The following STX3 variants were observed in gnomAD, a reference collection of about 807,000 sequenced individuals.
STX3 encodes syntaxin 3, also known as syntaxin-3.
In STX3, 19 loss-of-function variants were observed where a neutral mutation model predicts 40.2. The ratio of observed to expected loss-of-function variants is 0.47; its 90% CI spans 0.33 to 0.69. The LOEUF is 0.69. Among genes scored for constraint, STX3 ranks in the 30% least tolerant of loss-of-function variants. The pLI, the probability that STX3 is intolerant of heterozygous loss-of-function variation, is 0.02. For missense variants in STX3, 364 were observed against 366.7 expected (o/e 0.99, Z 0.06); for synonymous variants, 122 against 132.2 (o/e 0.92, Z 0.53).
chr11:59,800,003 C>G (rs934813609), intron 10 of STX3: 1 of 985,326 alleles, frequency 1.0e-6, no homozygotes, highest in Admixed American at 6.1e-5. Flanking sequence ...TGTGGTGCCC[C>G]TTTCTATTCC....
intron 6 of STX3, 116 bp from the exon 7 acceptor site, chr11:59,792,983 G>A: frequency 1.1e-6 from 1 of 932,756 alleles, no homozygotes; most frequent in Non-Finnish European, 1.7e-6. Flanking sequence ...AATTGGGGGA[G>A]TGTTGTAAAG....
At chr11:59,769,263 TGGA>T (rs113337250) in intron 1 of STX3, among the ~76,000 whole-genome samples, 26 of 151,562 alleles carry the variant, frequency 1.7e-4, no homozygotes, top group Admixed American at 5.3e-4. Context: ...GAACTTCCTG[TGGA>T]GGAGGAGGAG....
At chr11:59,789,203 T>G in intron 4 of STX3, 1 of 323,664 alleles carries the variant, frequency 3.1e-6, no homozygotes. Flanking sequence ...TTTCAGCTGC[T>G]GAGTAGTTTT....
Position 59,790,593 on chromosome 11 carries a change from CT to C in STX3, c.357+11del. The C allele has an allele frequency of 6.2e-7, 1 of 1,607,782 alleles. No individual in the cohort carries two copies. The highest frequency in any genetic ancestry group is 8.5e-7 in the Non-Finnish European group (1 of 1,174,296). ...TCGGATTCGGAAATCCCAGGTAAGA[CT>C]TTTCCTGGTCTCATGATTAGCTAGT... is the stretch of plus-strand genomic sequence containing the variant. On this transcript the variant is annotated splice_region_variant and intron_variant, in intron 5 of 10. Coordinates refer to ENST00000337979, the MANE Select transcript of STX3 (RefSeq NM_004177.5).
chr11:59,791,895 C>T (rs575860021), intron 5 of STX3, among the ~76,000 whole-genome samples: 3 of 152,268 alleles, frequency 2.0e-5, no homozygotes, highest in South Asian at 2.1e-4. Flanking sequence ...AGCAGTAAAC[C>T]GGTTTCAGTA....
At position 59,801,974 on chromosome 11, in the gene STX3, G is replaced by A. The variant is rs1279979721; in HGVS notation, c.*1150G>A. On this transcript the variant is annotated 3_prime_UTR_variant, in exon 11 of 11. Coordinates refer to ENST00000337979, the MANE Select transcript of STX3 (RefSeq NM_004177.5). ...CTGGGAGAATAAAATGAGAACTCTG[G>A]AGTGAGCTAAATTGATCCCAATTAA... is the stretch of plus-strand genomic sequence containing the variant. The A allele has an allele frequency of 4.1e-6, 4 of 985,322 alleles. No homozygotes were observed. The highest frequency in any genetic ancestry group is 3.6e-6 in the Non-Finnish European group (3 of 829,946). The allele number at this position is 985,322 out of a possible 1,614,324, so 61.0% of individuals were successfully genotyped here.
intron 9 of STX3, chr11:59,795,834 C>T: frequency 1.2e-6 from 1 of 801,900 alleles, no homozygotes; most frequent in Non-Finnish European, 2.0e-6. Flanking sequence ...CTCATCAACC[C>T]CTCCCTCAGC....
rs1017596428 is a variant in STX3 at position 59,799,717 on chromosome 11, T to G, written c.*31-1138T>G. 6.0e-5 allele frequency: 59 copies of G among 985,288 alleles called. No homozygotes were observed. In the Admixed American group the frequency reaches 1.2e-3, roughly 21 times the overall value. 61.0% of individuals were successfully genotyped at this position (985,288 alleles called of 1,614,324 possible). A position where few individuals can be genotyped will look rare whatever the true frequency, so the allele number is the denominator to read the frequency against. On this transcript the variant is annotated intron_variant, in intron 10 of 10. Transcript: ENST00000337979. ...CTCCTCCTTCCATGTGACCAGGGGA[T>G]CTAAAAGTCAGCTTATTACAGCATT...
chr11:59,773,202 CT>C lies in STX3; in HGVS notation c.31-5del, dbSNP rs1863758388. 12 of 1,611,986 alleles carry C rather than the reference CT, an allele frequency of 7.4e-6. No individual in the cohort carries two copies. The highest frequency in any genetic ancestry group is 8.5e-6 in the Non-Finnish European group (10 of 1,179,248). On this transcript the variant is annotated splice_polypyrimidine_tract_variant and splice_region_variant and intron_variant, in intron 1 of 10. Transcript: ENST00000337979. ...TTAGCCTCACTCTGCTCTTTTTTGC[CT>C]TTTGCAGAAGCAGCTGACACAGGAT...
At chr11:59,797,807 T>C (rs1865611403) in intron 10 of STX3, among the ~76,000 whole-genome samples, 1 of 152,238 alleles carries the variant, frequency 6.6e-6, no homozygotes, top group South Asian at 2.1e-4. Flanking sequence ...CTTTTCAATG[T>C]AAATGAAACT....
chr11:59,756,100 A>G (rs966455096), intron 1 of STX3, among the ~76,000 whole-genome samples: 2 of 152,062 alleles, frequency 1.3e-5, no homozygotes, highest in Non-Finnish European at 2.9e-5. Flanking sequence ...AGCCGGTCAC[A>G]TGCTGGGATG....
chr11:59,777,369 A>G (rs1266570040), intron 2 of STX3, among the ~76,000 whole-genome samples: 2 of 152,232 alleles, frequency 1.3e-5, no homozygotes, highest in Non-Finnish European at 2.9e-5. Context: ...TACTGCAGCT[A>G]TGCACCACTG....
chr11:59,792,317 GTGC>G, intron 6 of STX3, 102 bp downstream of exon 6: 1 of 954,844 alleles, frequency 1.0e-6, no homozygotes, highest in Non-Finnish European at 1.6e-6. Context: ...AGCACATTTT[GTGC>G]CTAAGTCTAG....
intron 2 of STX3, among the ~76,000 whole-genome samples, chr11:59,786,075 A>G (rs1864750210): frequency 6.6e-6 from 1 of 152,160 alleles, no homozygotes; most frequent in Non-Finnish European, 1.5e-5. Flanking sequence ...AGCCTTAGAA[A>G]TATGCAGAAA....
chr11:59,803,419 A>G lies in STX3; in HGVS notation c.*2595A>G, dbSNP rs1438776597. 7.4e-6 allele frequency: 4 copies of G among 539,098 alleles called. No individual in the cohort carries two copies. The highest frequency in any genetic ancestry group is 1.1e-5 in the Non-Finnish European group (4 of 356,242). 33.4% of individuals were successfully genotyped at this position (539,098 alleles called of 1,614,324 possible). A position where few individuals can be genotyped will look rare whatever the true frequency, so the allele number is the denominator to read the frequency against. On this transcript the variant is annotated 3_prime_UTR_variant, in exon 11 of 11. Coordinates refer to ENST00000337979, the MANE Select transcript of STX3 (RefSeq NM_004177.5). ...TAGGTGCTAATAATGGTTAGAGAAAACTAAAGAAAGGGATGTTTCAGAGAC... is the reference window on the plus strand; with the variant it reads ...TAGGTGCTAATAATGGTTAGAGAAAGCTAAAGAAAGGGATGTTTCAGAGAC...
intron 10 of STX3, among the ~76,000 whole-genome samples, chr11:59,798,141 T>C (rs893586279): frequency 6.6e-6 from 1 of 152,130 alleles, no homozygotes; most frequent in African/African-American, 2.4e-5. Flanking sequence ...AGGATAGCGA[T>C]GCTAAAATTT....
chr11:59,757,537 C>G (rs919962908), intron 1 of STX3, among the ~76,000 whole-genome samples: 1 of 152,120 alleles, frequency 6.6e-6, no homozygotes, highest in Non-Finnish European at 1.5e-5. Context: ...TCATGGTTAC[C>G]CTCTGTACAA....
intron 2 of STX3, among the ~76,000 whole-genome samples, chr11:59,773,513 A>G (rs748203893): frequency 3.9e-5 from 6 of 152,220 alleles, no homozygotes; most frequent in African/African-American, 4.8e-5. Context: ...AGGGTCAATT[A>G]TATGTAATTG....
intron 3 of STX3, among the ~76,000 whole-genome samples, chr11:59,787,553 G>C (rs1864855360): frequency 1.3e-5 from 2 of 152,180 alleles, no homozygotes; most frequent in South Asian, 4.1e-4. Flanking sequence ...TTCCAAAATG[G>C]TTCGAGTTCA....
Sources: allele counts gnomAD v4.1 joint callset (sites outside exome capture counted in the v4.1 genomes callset), GRCh38; gene constraint gnomAD v4.1.1; transcripts MANE v1.5; gene names NCBI Gene and HGNC (gene_info 2026-07-23, HGNC 2026-07-21).